Variants in ENTPD3 observed in about 807,000 individuals in gnomAD.
The protein encoded by ENTPD3 is CD39 antigen-like 3.
In ENTPD3, 60 loss-of-function variants were observed where a neutral mutation model predicts 51.2. The observed-to-expected ratio is 1.17, with a 90% CI of 0.95 to 1.45. ENTPD3 has a LOEUF of 1.45. Ranked by LOEUF, ENTPD3 falls within the 40% of genes most tolerant of loss-of-function variation. ENTPD3 has a pLI of 0.00. For synonymous variants in ENTPD3, 221 were observed against 238.4 expected, an observed-to-expected ratio of 0.93 and a Z score of 0.67; for missense variants, 593 against 641.1, an observed-to-expected ratio of 0.93 and a Z score of 0.81.
In ENTPD3 at chr3:40,419,845, C is replaced by A. The variant is rs62263881; in HGVS notation, c.832-3005C>A. ...TAAGATCAGATTATGCTGTAGTTTT[C>A]TAGTGGACTTTTCTCCCTCGAGCCC... is the stretch of plus-strand genomic sequence containing the variant. On this transcript the variant is annotated intron_variant, in intron 7 of 10. Coordinates refer to ENST00000301825, the MANE Select transcript of ENTPD3 (RefSeq NM_001248.4). Among the ~76,000 whole-genome samples, 835 of 152,254 alleles carry A rather than the reference C, an allele frequency of 5.5e-3. 5 individuals are homozygous for A. Among genetic ancestry groups the A allele is most frequent in the Non-Finnish European group, 8.4e-3 (569 of 68,018 alleles).
At chr3:40,401,123 T>C in intron 4 of ENTPD3, 112 bp downstream of exon 4, 2 of 788,294 alleles carry the variant, frequency 2.5e-6, no homozygotes, top group Non-Finnish European at 4.4e-6. Context: ...GAATGAGCAT[T>C]GGACTGGGAG....
chr3:40,420,392 T>C (rs551504610), intron 7 of ENTPD3, among the ~76,000 whole-genome samples: 29 of 151,958 alleles, frequency 1.9e-4, no homozygotes, highest in East Asian at 5.8e-4. Context: ...CCCGCCACCA[T>C]GCCCAGCTAA....
chr3:40,419,704 T>C (rs1955821508), intron 7 of ENTPD3, among the ~76,000 whole-genome samples: 2 of 152,226 alleles, frequency 1.3e-5, no homozygotes, highest in Admixed American at 1.3e-4. Context: ...GTTTTCATCA[T>C]TGGTTCTGTA....
rs776411767 is a variant in ENTPD3, at chr3:40,427,421, T to C, written c.1503T>C (p.Cys501=). 3 of 1,613,542 alleles carry C rather than the reference T, an allele frequency of 1.9e-6. No homozygotes were observed. In the African/African-American group the frequency reaches 4.0e-5, roughly 22 times the overall value. The part of the protein sequence containing the change: ...LAFFTAAALL[C]LAFLAYLCSA... Reference sequence around the variant, plus strand: ...TCTTCACAGCGGCAGCCTTGCTGTGTCTGGCATTTCTTGCATACCTGTGTT... The same window carrying C: ...TCTTCACAGCGGCAGCCTTGCTGTGCCTGGCATTTCTTGCATACCTGTGTT... The change falls in exon 11 of 11, where the codon TGT becomes TGC. Residue 501 remains cysteine, a synonymous_variant. Transcript: ENST00000301825.
chr3:40,416,137 G>GCAGGGCATTCT, intron 7 of ENTPD3, 64 bp downstream of exon 7: 1 of 1,199,278 alleles, frequency 8.3e-7, no homozygotes, highest in Non-Finnish European at 1.2e-6. Flanking sequence ...AGGGGAGAAT[G>GCAGGGCATTCT]CCCTGCCTTC....
chr3:40,393,810 C>T (rs545729075), intron 3 of ENTPD3, among the ~76,000 whole-genome samples: 9 of 151,800 alleles, frequency 5.9e-5, no homozygotes, highest in East Asian at 5.8e-4. Context: ...TTTGGGAGGC[C>T]GAGGCGGGCG....
chr3:40,415,745 C>G, intron 6 of ENTPD3, 95 bp from the exon 7 acceptor site: 1 of 905,286 alleles, frequency 1.1e-6, no homozygotes, highest in Non-Finnish European at 1.8e-6. Context: ...TGTCCTACTT[C>G]TTAGTAATAG....
At chr3:40,392,896 A>G (rs1239668171) in intron 3 of ENTPD3, among the ~76,000 whole-genome samples, 1 of 152,072 alleles carries the variant, frequency 6.6e-6, no homozygotes, top group African/African-American at 2.4e-5. Flanking sequence ...AGAACTTGAG[A>G]AGGTCTCCTT....
chr3:40,423,297 G>T lies in ENTPD3; in HGVS notation c.1111G>T (p.Ala371Ser). ...CTGTATTACTTATTTCCAGGCTTTT[G>T]CAGGATTCTACTACACAGCCAGTGC... Reference protein sequence around the residue: ...PKIKGPFVAFAGFYYTASALN... With the variant: ...PKIKGPFVAFSGFYYTASALN... The change falls in exon 9 of 11, where the codon GCA becomes TCA. Residue 371 changes from alanine (A) to serine (S), a missense_variant. Ala to Ser is a moderately conservative substitution (Grantham distance 99). Coordinates refer to ENST00000301825, the MANE Select transcript of ENTPD3 (RefSeq NM_001248.4). 1 of 1,612,916 alleles carries T rather than the reference G, an allele frequency of 6.2e-7. No individual in the cohort carries two copies. Among genetic ancestry groups the T allele is most frequent in the Non-Finnish European group, 8.5e-7 (1 of 1,179,150 alleles).
At chr3:40,420,548 T>A (rs1264313291) in intron 7 of ENTPD3, among the ~76,000 whole-genome samples, 3 of 152,108 alleles carry the variant, frequency 2.0e-5, no homozygotes, top group Admixed American at 2.0e-4. Context: ...ATATTTTTTC[T>A]TTCAACCAAT....
chr3:40,406,230 G>A (rs1221168916), intron 4 of ENTPD3, among the ~76,000 whole-genome samples: 3 of 152,152 alleles, frequency 2.0e-5, no homozygotes, highest in Non-Finnish European at 2.9e-5. Flanking sequence ...TGTGGGGGAA[G>A]AACATGCTGA....
intron 4 of ENTPD3, among the ~76,000 whole-genome samples, chr3:40,410,031 A>AT (rs1955593150): frequency 6.6e-6 from 1 of 152,224 alleles, no homozygotes; most frequent in African/African-American, 2.4e-5. Flanking sequence ...CAAGGAGAGA[A>AT]TCTAGATGTC....
Position 40,427,592 on chromosome 3 carries a change from T to TTGACCATGCAGTGGATTCTGACTGAGC in ENTPD3, c.*84_*85insTGACCATGCAGTGGATTCTGACTGAGC. 3.9e-6 allele frequency: 4 copies of TTGACCATGCAGTGGATTCTGACTGAGC among 1,017,930 alleles called. No individual in the cohort carries two copies. The African/African-American group carries it at 6.3e-5, about 16-fold the overall frequency. 63.1% of individuals were successfully genotyped at this position (1,017,930 alleles called of 1,614,324 possible). A position where few individuals can be genotyped will look rare whatever the true frequency, so the allele number is the denominator to read the frequency against. On this transcript the variant is annotated 3_prime_UTR_variant, in exon 11 of 11. Transcript: ENST00000301825. ...GGCAATGCAGGTGAAGTGGCTGCCT[T>TTGACCATGCAGTGGATTCTGACTGAGC]CAGGAAATACAACTAACTAAAATCA...
At chr3:40,393,036 G>T (rs1955101664) in intron 3 of ENTPD3, among the ~76,000 whole-genome samples, 2 of 151,696 alleles carry the variant, frequency 1.3e-5, no homozygotes, top group African/African-American at 4.8e-5. Context: ...AGTCCCAGAG[G>T]CCCCTCTTAG....
chr3:40,389,871 ATAGGTTATAATGATC>A (rs1204301113), intron 2 of ENTPD3, among the ~76,000 whole-genome samples: 2 of 152,208 alleles, frequency 1.3e-5, no homozygotes, highest in African/African-American at 4.8e-5. Flanking sequence ...GGGGTAAAGC[ATAGGTTATAATGATC>A]TAGGAATAAT....
chr3:40,411,643 T>C (rs1955632908), intron 4 of ENTPD3, among the ~76,000 whole-genome samples, 169 bp from the exon 5 acceptor site: 4 of 152,182 alleles, frequency 2.6e-5, no homozygotes, highest in Admixed American at 2.6e-4. Flanking sequence ...TTTTAGAGGT[T>C]GCAAGTATAC....
At chr3:40,407,285 C>T (rs981714641) in intron 4 of ENTPD3, among the ~76,000 whole-genome samples, 2 of 151,928 alleles carry the variant, frequency 1.3e-5, no homozygotes, top group Admixed American at 6.6e-5. Flanking sequence ...CTCAACTCTG[C>T]CCCTTTAGCA....
intron 7 of ENTPD3, among the ~76,000 whole-genome samples, chr3:40,422,307 G>A (rs1392230604): frequency 2.1e-5 from 3 of 140,840 alleles, no homozygotes; most frequent in East Asian, 4.2e-4. Context: ...CAAAAAAAGT[G>A]GTTTCTAATA....
intron 7 of ENTPD3, among the ~76,000 whole-genome samples, chr3:40,417,300 T>C (rs1446347573): frequency 6.6e-6 from 1 of 152,218 alleles, no homozygotes; most frequent in African/African-American, 2.4e-5. Flanking sequence ...GTTTGTTTAA[T>C]TGGTTCATGG....
Sources: allele counts gnomAD v4.1 joint callset (sites outside exome capture counted in the v4.1 genomes callset), GRCh38; gene constraint gnomAD v4.1.1; transcripts MANE v1.5; gene names NCBI Gene and HGNC (gene_info 2026-07-23, HGNC 2026-07-21).